The following SH3TC1 variants were observed in gnomAD, a reference collection of about 807,000 sequenced individuals.
The protein encoded by SH3TC1 is SH3 domain and tetratricopeptide repeat-containing protein 1.
Under a neutral mutation model 117.3 loss-of-function variants are expected in SH3TC1, and 135 were observed. The observed-to-expected ratio is 1.15, with a 90% CI of 1.00 to 1.33. The LOEUF is 1.33. Among genes scored for constraint, SH3TC1 ranks in the 40% most tolerant of loss-of-function variants. The pLI is 0.00. For missense variants in SH3TC1, 2,092 were observed against 1,794.3 expected (o/e 1.17, Z -3.00); for synonymous variants, 898 against 816.9 (o/e 1.10, Z -1.69).
At chr4:8,232,249 A>T in intron 13 of SH3TC1, 93 bp downstream of exon 13, 1 of 1,402,334 alleles carries the variant, frequency 7.1e-7, no homozygotes, top group Admixed American at 2.2e-5. Context: ...GGGCCCCAGC[A>T]GCCCCTCTCC....
intron 2 of SH3TC1, among the ~76,000 whole-genome samples, chr4:8,208,925 G>A (rs1217221178): frequency 6.6e-6 from 1 of 152,236 alleles, no homozygotes; most frequent in Non-Finnish European, 1.5e-5. Flanking sequence ...TGCAGTTGCA[G>A]GTTTTCCTAA....
intron 1 of SH3TC1, among the ~76,000 whole-genome samples, chr4:8,188,971 G>C (rs977444057): frequency 9.8e-5 from 15 of 152,374 alleles, no homozygotes; most frequent in Admixed American, 7.8e-4. Context: ...ACATGAGGCG[G>C]GAGAGCTCAA....
intron 13 of SH3TC1, chr4:8,232,782 C>T: frequency 7.8e-7 from 1 of 1,288,926 alleles, no homozygotes; most frequent in Non-Finnish European, 1.0e-6. Flanking sequence ...TCCACAGGGA[C>T]CCGGGAGATC....
rs7697501 is a variant in SH3TC1 at position 8,207,733 on chromosome 4, A to C, written c.173-2015A>C. On this transcript the variant is annotated intron_variant, in intron 2 of 17. Coordinates refer to ENST00000245105, the MANE Select transcript of SH3TC1 (RefSeq NM_018986.5). ...TTTGGGCTTTCCCTGTGTCTTCGTC[A>C]CTTAGTGGGTGCGTCCTCACTTTCT... Among the ~76,000 whole-genome samples, 1,123 of 152,194 alleles carry C rather than the reference A, an allele frequency of 7.4e-3. 3 individuals carry two copies. Among genetic ancestry groups the C allele is most frequent in the African/African-American group, 0.01 (432 of 41,500 alleles).
intron 16 of SH3TC1, 25 bp from the exon 17 acceptor site, chr4:8,237,449 C>T: frequency 6.7e-7 from 1 of 1,500,036 alleles, no homozygotes; most frequent in African/African-American, 1.4e-5. Flanking sequence ...CGTCCTCACA[C>T]CTGCCCCCTT....
chr4:8,236,095 C>T (rs1721787576), intron 15 of SH3TC1, 183 bp from the exon 16 acceptor site: 2 of 725,228 alleles, frequency 2.8e-6, no homozygotes, highest in Non-Finnish European at 4.2e-6. Context: ...GGATGGGCCT[C>T]AGGTGACTCT....
At chr4:8,232,191 GA>G (rs751914915) in intron 13 of SH3TC1, 35 bp downstream of exon 13, 1 of 367,484 alleles carries the variant, frequency 2.7e-6, no homozygotes, top group African/African-American at 2.3e-5. Flanking sequence ...GGGGCGGGGG[GA>G]GGGGGCAAAG....
At position 8,236,657 on chromosome 4, in the gene SH3TC1, C is replaced by T. The variant is rs144263958; in HGVS notation, c.3556+229C>T. 172 of 471,542 alleles carry T rather than the reference C, an allele frequency of 3.6e-4. 1 individual carries two copies. The highest frequency in any genetic ancestry group is 3.0e-3 in the African/African-American group (149 of 49,484). The allele number at this position is 471,542 out of a possible 1,614,324, so 29.2% of individuals were successfully genotyped here. ...AGCTCTGCTTCCTGTGCCTCTTCCC[C>T]CTGCTGACCACGAGGGCTGCCCAGT... On this transcript the variant is annotated intron_variant, in intron 16 of 17. Coordinates refer to ENST00000245105, the MANE Select transcript of SH3TC1 (RefSeq NM_018986.5).
chr4:8,235,494 C>A lies in SH3TC1; in HGVS notation c.3344C>A (p.Ala1115Glu), dbSNP rs201366758. The A allele has an allele frequency of 3.1e-6, 5 of 1,605,204 alleles. No individual in the cohort carries two copies. Among genetic ancestry groups the A allele is most frequent in the South Asian group, 1.1e-5 (1 of 89,838 alleles). ...DPNLGLELFE[A>E]AGDIFFDGAW... ...AACCTGGGGCTGGAGCTGTTTGAGGCGGCTGGAGACATCTTCTTCGACGGG... is the reference window on the plus strand; with the variant it reads ...AACCTGGGGCTGGAGCTGTTTGAGGAGGCTGGAGACATCTTCTTCGACGGG... The change falls in exon 15 of 18, where the codon GCG becomes GAG. Residue 1115 changes from alanine (A) to glutamate (E), a missense_variant. Ala to Glu is a moderately radical substitution (Grantham distance 107). Coordinates refer to ENST00000245105, the MANE Select transcript of SH3TC1 (RefSeq NM_018986.5).
intron 17 of SH3TC1, among the ~76,000 whole-genome samples, chr4:8,240,047 T>C (rs927220726): frequency 1.3e-5 from 2 of 152,064 alleles, no homozygotes; most frequent in African/African-American, 4.8e-5. Context: ...GCTTGGGTCT[T>C]AGAGAGGTCC....
chr4:8,223,636 T>G (rs1720159479), intron 10 of SH3TC1, among the ~76,000 whole-genome samples: 1 of 151,436 alleles, frequency 6.6e-6, no homozygotes, highest in Non-Finnish European at 1.5e-5. Context: ...ACCCACTTTT[T>G]TTTTTTTTTT....
rs1471067570 is a variant in SH3TC1 at position 8,209,040 on chromosome 4, T to G, written c.173-708T>G. The stretch of plus-strand genomic sequence containing the variant: ...TCTGCAGGACCAATGGCCAGAGGGG[T>G]GACCCCCAGCAGGGAACCAAGCAAC... On this transcript the variant is annotated intron_variant, in intron 2 of 17. Coordinates refer to ENST00000245105, the MANE Select transcript of SH3TC1 (RefSeq NM_018986.5). This position sits in a 1 kb window ranked among gnomAD's most constrained non-coding sequence, Gnocchi z 5.9. Among the ~76,000 whole-genome samples, 3 of 152,166 alleles carry G rather than the reference T, an allele frequency of 2.0e-5. No homozygotes were observed. Among genetic ancestry groups the G allele is most frequent in the African/African-American group, 7.2e-5 (3 of 41,434 alleles).
intron 1 of SH3TC1, among the ~76,000 whole-genome samples, chr4:8,203,070 C>T (rs1040000899): frequency 6.6e-6 from 1 of 152,194 alleles, no homozygotes; most frequent in African/African-American, 2.4e-5. Flanking sequence ...CAACTTGCCC[C>T]CCATGAGGGT....
intron 1 of SH3TC1, among the ~76,000 whole-genome samples, chr4:8,203,268 G>A (rs1305251888): frequency 8.3e-6 from 1 of 120,484 alleles, no homozygotes; most frequent in African/African-American, 2.6e-5. Flanking sequence ...TCTGACAGGT[G>A]TGCGGGTGCG....
At chr4:8,217,244 G>A in intron 7 of SH3TC1, 77 bp downstream of exon 7, 1 of 1,525,052 alleles carries the variant, frequency 6.6e-7, no homozygotes. Context: ...TGGAGGTCAA[G>A]GGGATGGACA....
chr4:8,219,431 A>G lies in SH3TC1; in HGVS notation c.1013A>G (p.Gln338Arg). The change falls in exon 9 of 18, where the codon CAG becomes CGG. Residue 338 changes from glutamine to arginine, a missense_variant. Coordinates refer to ENST00000245105, the MANE Select transcript of SH3TC1 (RefSeq NM_018986.5). ...GACCTCATCGAGATCCTTGGGGCGCAGGTGCCCAGCCTGCCCTGGTGCGTG... is the reference window on the plus strand; with the variant it reads ...GACCTCATCGAGATCCTTGGGGCGCGGGTGCCCAGCCTGCCCTGGTGCGTG... ...GGDLIEILGA[Q>R]VPSLPWCVGR... 1.2e-6 allele frequency: 2 copies of G among 1,610,728 alleles called. No individual in the cohort carries two copies. Among genetic ancestry groups the G allele is most frequent in the Non-Finnish European group, 1.7e-6 (2 of 1,178,468 alleles).
In SH3TC1 at chr4:8,221,064, A is replaced by G. The variant is rs565286880; in HGVS notation, c.1112+1534A>G. Among the ~76,000 whole-genome samples, 3 of 152,300 alleles carry G rather than the reference A, an allele frequency of 2.0e-5. No homozygotes were observed. In the South Asian group the frequency reaches 6.2e-4, roughly 32 times the overall value. Reference sequence around the variant, plus strand: ...TTTCCTGTTGAAATGCCTTTTCCACACTTACTTAACCTCCAGAATCCTCCA... The same window carrying G: ...TTTCCTGTTGAAATGCCTTTTCCACGCTTACTTAACCTCCAGAATCCTCCA... On this transcript the variant is annotated intron_variant, in intron 9 of 17. Coordinates refer to ENST00000245105, the MANE Select transcript of SH3TC1 (RefSeq NM_018986.5).
At chr4:8,230,930 C>G (rs1268807610) in intron 12 of SH3TC1, among the ~76,000 whole-genome samples, 1 of 152,136 alleles carries the variant, frequency 6.6e-6, no homozygotes. Flanking sequence ...CAGACATGCA[C>G]CACCACACCC....
In SH3TC1 at chr4:8,210,268, C is replaced by T. The variant is rs1253864511; in HGVS notation, c.247+446C>T. Among the ~76,000 whole-genome samples, 1 of 152,228 alleles carries T rather than the reference C, an allele frequency of 6.6e-6. No individual in the cohort carries two copies. Among genetic ancestry groups the T allele is most frequent in the Non-Finnish European group, 1.5e-5 (1 of 68,026 alleles). On this transcript the variant is annotated intron_variant, in intron 3 of 17. Transcript: ENST00000245105. The surrounding 1 kb of genome is among the most constrained non-coding windows in gnomAD (Gnocchi z 4.1). ...GAGCCCACAAAGGGGGCCCAGGAAG[C>T]TGCTGGCTGTGAAGGTGTAAGAAGC...
Sources: allele counts gnomAD v4.1 joint callset (sites outside exome capture counted in the v4.1 genomes callset), GRCh38; gene constraint gnomAD v4.1.1; non-coding constraint Gnocchi (gnomAD v3.1); transcripts MANE v1.5; gene names NCBI Gene and HGNC (gene_info 2026-07-23, HGNC 2026-07-21).